MBOAT1: variants seen among roughly 807,000 people sequenced by gnomAD.
MBOAT1 encodes membrane-bound glycerophospholipid O-acyltransferase 1.
Under a neutral mutation model 64.4 loss-of-function variants are expected in MBOAT1, and 67 were observed. The ratio of observed to expected loss-of-function variants is 1.04; its 90% CI spans 0.85 to 1.27. The LOEUF (loss-of-function observed/expected upper bound fraction) is 1.27, where lower values mean the gene tolerates loss of function less well. MBOAT1 is among the 50% of genes most tolerant of loss of function. The pLI is 0.00. For synonymous variants in MBOAT1, 229 were observed against 218.9 expected, an observed-to-expected ratio of 1.05 and a Z score of -0.41; for missense variants, 563 against 604.6, an observed-to-expected ratio of 0.93 and a Z score of 0.72.
chr6:20,160,722 G>C (rs1761828205), intron 1 of MBOAT1, among the ~76,000 whole-genome samples: 1 of 152,254 alleles, frequency 6.6e-6, no homozygotes, highest in African/African-American at 2.4e-5. Context: ...AATAAATGTA[G>C]CTGGGAAAGA....
chr6:20,190,752 G>A (rs769730368), intron 1 of MBOAT1, among the ~76,000 whole-genome samples: 11 of 151,660 alleles, frequency 7.3e-5, no homozygotes, highest in Non-Finnish European at 1.2e-4. Context: ...AATCGTAGAC[G>A]ATTCTGGATA....
chr6:20,206,749 A>G (rs1005046355), intron 1 of MBOAT1, among the ~76,000 whole-genome samples: 1 of 152,180 alleles, frequency 6.6e-6, no homozygotes, highest in African/African-American at 2.4e-5. Context: ...AATGTCAAGA[A>G]GGACAATCCA....
At chr6:20,182,424 A>G (rs1762537229) in intron 1 of MBOAT1, among the ~76,000 whole-genome samples, 1 of 152,188 alleles carries the variant, frequency 6.6e-6, no homozygotes, top group Non-Finnish European at 1.5e-5. Flanking sequence ...GGAAGGACAC[A>G]AACATTCAGA....
In MBOAT1 at chr6:20,145,942, A is replaced by T. The variant is rs138313385; in HGVS notation, c.324-1627T>A. ...CACAATTCATTGCTCCACTGTCTGT[A>T]TGTCTCTGGTATTACATGCTAACAC... is the stretch of plus-strand genomic sequence containing the variant. On this transcript the variant is annotated intron_variant, in intron 3 of 12. Coordinates refer to ENST00000324607, the MANE Select transcript of MBOAT1 (RefSeq NM_001080480.3). 3.3e-3 allele frequency among the ~76,000 whole-genome samples: 497 copies of T among 152,288 alleles called. 2 individuals carry two copies. The highest frequency in any genetic ancestry group is 5.5e-3 in the Non-Finnish European group (373 of 68,022).
At chr6:20,190,427 C>T (rs1360924978) in intron 1 of MBOAT1, among the ~76,000 whole-genome samples, 1 of 152,172 alleles carries the variant, frequency 6.6e-6, no homozygotes, top group Non-Finnish European at 1.5e-5. Flanking sequence ...TAACCTCTGT[C>T]TTTATTTTAA....
At chr6:20,139,285 GC>G (rs1761096132) in intron 4 of MBOAT1, among the ~76,000 whole-genome samples, 1 of 151,908 alleles carries the variant, frequency 6.6e-6, no homozygotes, top group Non-Finnish European at 1.5e-5. Flanking sequence ...GCGCCACCAC[GC>G]CCTGCTAATT....
chr6:20,184,541 T>C (rs601736), intron 1 of MBOAT1, among the ~76,000 whole-genome samples: 91,001 of 151,892 alleles, frequency 0.6, 28,382 homozygotes, highest in Admixed American at 0.71. Flanking sequence ...GACAAGCCCC[T>C]GTGTGTCTAT....
At chr6:20,107,967 G>A (rs1467288052) in intron 12 of MBOAT1, among the ~76,000 whole-genome samples, 1 of 152,158 alleles carries the variant, frequency 6.6e-6, no homozygotes, top group Admixed American at 6.5e-5. Flanking sequence ...ATGTTGGCTT[G>A]AGGGCATGGA....
chr6:20,114,402 A>G (rs1359310911), intron 10 of MBOAT1, among the ~76,000 whole-genome samples: 1 of 152,240 alleles, frequency 6.6e-6, no homozygotes, highest in Non-Finnish European at 1.5e-5. Flanking sequence ...TAGGAAAACA[A>G]AAGCATAGGG....
At position 20,188,975 on chromosome 6, in the gene MBOAT1, G is replaced by C. The variant is rs147906711; in HGVS notation, c.99+23161C>G. Among the ~76,000 whole-genome samples the C allele has an allele frequency of 6.0e-3, 907 of 152,266 alleles. 8 individuals are homozygous for C. Among genetic ancestry groups the C allele is most frequent in the African/African-American group, 0.021 (866 of 41,536 alleles). ...CCCACCTCTCAGTTCCTGAGGGGTA[G>C]ATTCCTTCTTTATATTCCCTCAGAG... is the stretch of plus-strand genomic sequence containing the variant. On this transcript the variant is annotated intron_variant, in intron 1 of 12. Coordinates refer to ENST00000324607, the MANE Select transcript of MBOAT1 (RefSeq NM_001080480.3).
intron 12 of MBOAT1, among the ~76,000 whole-genome samples, chr6:20,104,510 G>A (rs1199449466): frequency 6.6e-6 from 1 of 152,210 alleles, no homozygotes; most frequent in Non-Finnish European, 1.5e-5. Context: ...TATGCACAAT[G>A]TAGATATCCA....
chr6:20,136,607 G>A (rs1761001781), intron 4 of MBOAT1, among the ~76,000 whole-genome samples: 1 of 152,136 alleles, frequency 6.6e-6, no homozygotes, highest in Non-Finnish European at 1.5e-5. Context: ...CACTGTCCAC[G>A]GAACAATAGG....
Position 20,186,267 on chromosome 6 carries a change from A to G in MBOAT1, c.99+25869T>C, listed in dbSNP as rs1283275843. Reference sequence around the variant, plus strand: ...TGCTGAAAGCCAAAGTCTTGCTTATATGCAACATGTAGGAACAAAGAAAGC... The same window carrying G: ...TGCTGAAAGCCAAAGTCTTGCTTATGTGCAACATGTAGGAACAAAGAAAGC... On this transcript the variant is annotated intron_variant, in intron 1 of 12. Coordinates refer to ENST00000324607, the MANE Select transcript of MBOAT1 (RefSeq NM_001080480.3). 3.9e-5 allele frequency among the ~76,000 whole-genome samples: 6 copies of G among 152,218 alleles called. 1 individual carries two copies. Among genetic ancestry groups the G allele is most frequent in the Admixed American group, 3.9e-4 (6 of 15,284 alleles).
chr6:20,177,778 A>G (rs1452172504), intron 1 of MBOAT1, among the ~76,000 whole-genome samples: 7 of 98,552 alleles, frequency 7.1e-5, no homozygotes, highest in African/African-American at 2.2e-4. Flanking sequence ...CGTCTCAAAA[A>G]AAAAAAAAAA....
At chr6:20,132,056 TA>T (rs1199599674) in intron 4 of MBOAT1, among the ~76,000 whole-genome samples, 1 of 151,338 alleles carries the variant, frequency 6.6e-6, no homozygotes, top group African/African-American at 2.4e-5. Flanking sequence ...CTAATTTTTG[TA>T]TTTTTTGTAG....
At chr6:20,139,086 C>T (rs1014339732) in intron 4 of MBOAT1, among the ~76,000 whole-genome samples, 1 of 152,104 alleles carries the variant, frequency 6.6e-6, no homozygotes, top group Non-Finnish European at 1.5e-5. Context: ...CTAGGGCCCA[C>T]TCTAATCCAG....
At chr6:20,118,974 C>T (rs531804117) in intron 8 of MBOAT1, among the ~76,000 whole-genome samples, 2 of 152,140 alleles carry the variant, frequency 1.3e-5, no homozygotes, top group Non-Finnish European at 2.9e-5. Context: ...GGTCTCAGAG[C>T]TGTCACTAAA....
At chr6:20,151,058 T>C in intron 3 of MBOAT1, 127 bp downstream of exon 3, 4 of 634,576 alleles carry the variant, frequency 6.3e-6, no homozygotes, top group East Asian at 5.5e-5. Context: ...CCTCCTGATA[T>C]TCTAGATAAA....
At chr6:20,111,885 T>TATATAC (rs1760180986) in intron 11 of MBOAT1, among the ~76,000 whole-genome samples, 2 of 140,996 alleles carry the variant, frequency 1.4e-5, no homozygotes, top group African/African-American at 5.4e-5. Flanking sequence ...TATATGTATA[T>TATATAC]ATATATATTC....
Sources: allele counts gnomAD v4.1 joint callset (sites outside exome capture counted in the v4.1 genomes callset), GRCh38; gene constraint gnomAD v4.1.1; transcripts MANE v1.5; gene names NCBI Gene and HGNC (gene_info 2026-07-23, HGNC 2026-07-21).